The following OPCML variants were observed in gnomAD, a reference collection of about 807,000 sequenced individuals.
The protein encoded by OPCML is opioid-binding protein/cell adhesion molecule.
In OPCML, 13 loss-of-function variants were observed where a neutral mutation model predicts 37.8. That is an observed-to-expected ratio of 0.34 (90% confidence interval 0.22 to 0.55). The LOEUF (loss-of-function observed/expected upper bound fraction) is 0.55, where lower values mean the gene tolerates loss of function less well. Among genes scored for constraint, OPCML ranks in the 20% least tolerant of loss-of-function variants. The pLI is 0.91. For missense variants in OPCML, 341 were observed against 435.6 expected, an observed-to-expected ratio of 0.78 and a Z score of 1.93; for synonymous variants, 176 against 168.8, an observed-to-expected ratio of 1.04 and a Z score of -0.33.
chr11:132,495,330 G>A (rs2137090370), intron 4 of OPCML, among the ~76,000 whole-genome samples: 1 of 152,294 alleles, frequency 6.6e-6, no homozygotes, highest in Non-Finnish European at 1.5e-5. Context: ...TAAAAGAGAT[G>A]TTCGAAACAT....
chr11:132,516,926 G>T (rs1304934696), intron 4 of OPCML, among the ~76,000 whole-genome samples: 1 of 152,142 alleles, frequency 6.6e-6, no homozygotes, highest in African/African-American at 2.4e-5. Flanking sequence ...CCCACCCAGA[G>T]TTCTAAATCC....
chr11:132,873,659 A>C (rs1312971088), intron 2 of OPCML, among the ~76,000 whole-genome samples: 1 of 151,698 alleles, frequency 6.6e-6, no homozygotes, highest in African/African-American at 2.4e-5. Context: ...AGTCATGACA[A>C]GTTGTATAAA....
chr11:133,438,858 C>G (rs1436122242), intron 1 of OPCML, among the ~76,000 whole-genome samples: 2 of 152,118 alleles, frequency 1.3e-5, no homozygotes, highest in East Asian at 1.9e-4. Flanking sequence ...ATGAAAGCCC[C>G]TAAGTATTAA....
At chr11:132,930,747 G>A (rs1945170848) in intron 2 of OPCML, among the ~76,000 whole-genome samples, 1 of 152,108 alleles carries the variant, frequency 6.6e-6, no homozygotes, top group Non-Finnish European at 1.5e-5. Context: ...TTTATGAATT[G>A]GTAGACTTAA....
chr11:133,179,328 T>A (rs976872873), intron 1 of OPCML, among the ~76,000 whole-genome samples: 6 of 152,160 alleles, frequency 3.9e-5, no homozygotes, highest in Non-Finnish European at 8.8e-5. Context: ...ATAATAGACA[T>A]CTCAGGGGTT....
chr11:133,464,594 T>A (rs1946933660), intron 1 of OPCML, among the ~76,000 whole-genome samples: 1 of 151,962 alleles, frequency 6.6e-6, no homozygotes, highest in Non-Finnish European at 1.5e-5. Flanking sequence ...GGTATTAACA[T>A]CCAGAGTGGC....
chr11:133,527,915 C>T (rs1948521534), intron 1 of OPCML, among the ~76,000 whole-genome samples: 1 of 152,212 alleles, frequency 6.6e-6, no homozygotes, highest in African/African-American at 2.4e-5. Flanking sequence ...GCAGCCCTGA[C>T]ACAGATTTGA....
At chr11:132,825,674 A>T (rs1271245707) in intron 2 of OPCML, among the ~76,000 whole-genome samples, 2 of 152,206 alleles carry the variant, frequency 1.3e-5, no homozygotes, top group African/African-American at 4.8e-5. Flanking sequence ...CTAATTAAAC[A>T]AATTTACACC....
intron 1 of OPCML, among the ~76,000 whole-genome samples, chr11:133,214,001 A>G (rs1939481638): frequency 1.3e-5 from 2 of 152,152 alleles, no homozygotes; most frequent in Admixed American, 1.3e-4. Context: ...AAATGGTTAA[A>G]TGTTTGTGAT....
At chr11:132,674,841 A>G (rs1422521696) in intron 2 of OPCML, among the ~76,000 whole-genome samples, 1 of 152,194 alleles carries the variant, frequency 6.6e-6, no homozygotes, top group East Asian at 1.9e-4. Flanking sequence ...CACTGGTTCT[A>G]GTTCTTCCTT....
intron 1 of OPCML, among the ~76,000 whole-genome samples, chr11:133,350,238 C>T (rs899224097): frequency 4.6e-5 from 7 of 152,180 alleles, no homozygotes; most frequent in African/African-American, 1.7e-4. Context: ...ATTTAAGTGC[C>T]ACTGGGATCT....
chr11:132,621,811 T>C, intron 3 of OPCML, among the ~76,000 whole-genome samples: 1 of 151,960 alleles, frequency 6.6e-6, no homozygotes, highest in Admixed American at 6.6e-5. Context: ...CTTCCTGAGG[T>C]TTTATGGAGT....
In OPCML at chr11:133,177,229, G is replaced by A. The variant is rs558233798; in HGVS notation, c.62-234219C>T. 2.0e-5 allele frequency among the ~76,000 whole-genome samples: 3 copies of A among 152,332 alleles called. No homozygotes were observed. Among genetic ancestry groups the A allele is most frequent in the African/African-American group, 4.8e-5 (2 of 41,572 alleles). On this transcript the variant is annotated intron_variant, in intron 1 of 7. Coordinates refer to ENST00000524381, the MANE Select transcript of OPCML (RefSeq NM_001012393.5). The surrounding 1 kb of genome is among the most constrained non-coding windows in gnomAD (Gnocchi z 5.0). ...GTGTGTCTGTGTGCCTGTTGATAGCGTCTGATCCAAGCAGGGGCTAGATGC... is the reference window on the plus strand; with the variant it reads ...GTGTGTCTGTGTGCCTGTTGATAGCATCTGATCCAAGCAGGGGCTAGATGC...
chr11:132,840,827 T>A (rs1941255001), intron 2 of OPCML, among the ~76,000 whole-genome samples: 2 of 151,966 alleles, frequency 1.3e-5, no homozygotes, highest in African/African-American at 4.8e-5. Context: ...TAGAAAAATG[T>A]TGATGAGGCC....
At chr11:132,516,611 A>G (rs1324787582) in intron 4 of OPCML, among the ~76,000 whole-genome samples, 1 of 152,168 alleles carries the variant, frequency 6.6e-6, no homozygotes, top group African/African-American at 2.4e-5. Context: ...GCCAGGGTGG[A>G]GCATATCATC....
At chr11:132,863,948 A>G (rs1217148035) in intron 2 of OPCML, among the ~76,000 whole-genome samples, 2 of 145,412 alleles carry the variant, frequency 1.4e-5, no homozygotes, top group African/African-American at 2.5e-5. Context: ...TTATTTGTTT[A>G]TTTTTTTGAG....
chr11:132,558,255 C>G (rs973430050), intron 3 of OPCML, among the ~76,000 whole-genome samples: 1 of 147,164 alleles, frequency 6.8e-6, no homozygotes, highest in East Asian at 2.0e-4. Flanking sequence ...CTTCTTCTTC[C>G]TCTTCCTTCT....
intron 1 of OPCML, among the ~76,000 whole-genome samples, chr11:132,965,367 G>T (rs570789552): frequency 6.6e-6 from 1 of 152,012 alleles, no homozygotes; most frequent in Non-Finnish European, 1.5e-5. Context: ...TTTGTGTCGG[G>T]GGGAGATGTT....
intron 1 of OPCML, among the ~76,000 whole-genome samples, chr11:133,291,693 C>T (rs955494326): frequency 1.3e-5 from 2 of 152,242 alleles, no homozygotes; most frequent in Non-Finnish European, 2.9e-5. Context: ...GAAGGTATTC[C>T]ACAGCTGCTT....
Sources: gnomAD v4.1 joint callset for allele counts (sites outside exome capture counted in the v4.1 genomes callset) on GRCh38, gnomAD v4.1.1 for gene constraint, Gnocchi (gnomAD v3.1) non-coding constraint, MANE v1.5 for transcripts, NCBI Gene and HGNC (gene_info 2026-07-23, HGNC 2026-07-21) for gene names.